The following LRRTM4 variants were observed in gnomAD, a reference collection of about 807,000 sequenced individuals.
The protein encoded by LRRTM4 is leucine rich repeat transmembrane neuronal 4.
LRRTM4 carries 25 observed loss-of-function variants against 47.6 expected under a neutral mutation model. That is an observed-to-expected ratio of 0.53 (90% CI 0.38 to 0.73). The LOEUF (loss-of-function observed/expected upper bound fraction) is 0.73. LRRTM4 is among the 30% of genes least tolerant of loss of function. The pLI is 0.00. For missense variants in LRRTM4, 638 were observed against 713.4 expected, an observed-to-expected ratio of 0.89 and a Z score of 1.20; for synonymous variants, 311 against 269.5, an observed-to-expected ratio of 1.15 and a Z score of -1.51.
intron 3 of LRRTM4, among the ~76,000 whole-genome samples, chr2:77,180,244 G>T (rs1255503575): frequency 2.0e-5 from 3 of 152,070 alleles, no homozygotes; most frequent in Non-Finnish European, 4.4e-5. Context: ...GAGTCCCTGA[G>T]TCCCAGTACA....
At chr2:77,409,763 G>A (rs908732092) in intron 3 of LRRTM4, among the ~76,000 whole-genome samples, 1 of 152,148 alleles carries the variant, frequency 6.6e-6, no homozygotes, top group African/African-American at 2.4e-5. Context: ...GCCTTAAGTT[G>A]AAACTGGGGT....
intron 3 of LRRTM4, among the ~76,000 whole-genome samples, chr2:76,968,350 A>ATT: frequency 9.7e-6 from 1 of 103,562 alleles, no homozygotes; most frequent in South Asian, 3.0e-4. Flanking sequence ...GTATATATAT[A>ATT]TATATATATA....
intron 3 of LRRTM4, among the ~76,000 whole-genome samples, chr2:77,053,491 T>C (rs1679507125): frequency 6.6e-6 from 1 of 152,172 alleles, no homozygotes; most frequent in African/African-American, 2.4e-5. Context: ...CCTAGGACTC[T>C]CAATTTTAAA....
intron 3 of LRRTM4, among the ~76,000 whole-genome samples, chr2:76,915,226 T>C (rs1674203330): frequency 6.6e-6 from 1 of 152,182 alleles, no homozygotes; most frequent in Non-Finnish European, 1.5e-5. Flanking sequence ...ACAGGTGGAC[T>C]AATGGGTTGA....
intron 3 of LRRTM4, among the ~76,000 whole-genome samples, chr2:77,140,988 A>T (rs1218086758): frequency 6.6e-6 from 1 of 152,164 alleles, no homozygotes; most frequent in Non-Finnish European, 1.5e-5. Context: ...GCTGGAGAGG[A>T]TGTGGAGAAA....
At chr2:76,968,953 G>A (rs1676130452) in intron 3 of LRRTM4, among the ~76,000 whole-genome samples, 1 of 151,856 alleles carries the variant, frequency 6.6e-6, no homozygotes, top group Admixed American at 6.6e-5. Context: ...TTACCTTGCA[G>A]TCATTTGGTC....
intron 3 of LRRTM4, among the ~76,000 whole-genome samples, chr2:76,909,393 A>G (rs1458298731): frequency 6.6e-6 from 1 of 152,174 alleles, no homozygotes; most frequent in Non-Finnish European, 1.5e-5. Flanking sequence ...TAAAAACCCT[A>G]GAAGAAAACC....
intron 3 of LRRTM4, among the ~76,000 whole-genome samples, chr2:76,892,525 A>T (rs1319168994): frequency 6.6e-6 from 1 of 151,788 alleles, no homozygotes; most frequent in Non-Finnish European, 1.5e-5. Flanking sequence ...GCTTTCTGAA[A>T]ACTTATTTAA....
chr2:77,038,618 G>A (rs1678921128), intron 3 of LRRTM4, among the ~76,000 whole-genome samples: 1 of 151,452 alleles, frequency 6.6e-6, no homozygotes, highest in African/African-American at 2.4e-5. Flanking sequence ...TTTAAACTAT[G>A]TATGGATAGA....
chr2:77,025,118 G>A (rs1231700002), intron 3 of LRRTM4, among the ~76,000 whole-genome samples: 3 of 152,046 alleles, frequency 2.0e-5, no homozygotes, highest in African/African-American at 7.2e-5. Flanking sequence ...TAAAAGTTAA[G>A]AATCATAACA....
rs57874749 is a variant in LRRTM4 at position 76,916,384 on chromosome 2, CAAAAAA to C, written c.1552-167474_1552-167469del. ...TGGGCGACAGAGCGAGACTGTGTCT[CAAAAAA>C]AAAAAAAAAAAAAAAAAGAAAAGAA... On this transcript the variant is annotated intron_variant, in intron 3 of 3. Transcript: ENST00000409884. Among the ~76,000 whole-genome samples, 36 of 53,506 alleles carry C rather than the reference CAAAAAA, an allele frequency of 6.7e-4. No individual in the cohort carries two copies. In the South Asian group the frequency reaches 7.1e-3, roughly 11 times the overall value. 35.1% of individuals were successfully genotyped at this position (53,506 alleles called of 152,430 possible). A position where few individuals can be genotyped will look rare whatever the true frequency, so the allele number is the denominator to read the frequency against.
intron 3 of LRRTM4, among the ~76,000 whole-genome samples, chr2:76,760,952 C>G (rs975220593): frequency 2.6e-5 from 4 of 152,226 alleles, no homozygotes; most frequent in Non-Finnish European, 5.9e-5. Context: ...GCAACTTTGA[C>G]AAATCTGTAG....
chr2:76,767,062 T>C (rs1186261284), intron 3 of LRRTM4, among the ~76,000 whole-genome samples: 1 of 151,984 alleles, frequency 6.6e-6, no homozygotes, highest in East Asian at 1.9e-4. Flanking sequence ...GAGATTCCTG[T>C]TGTTTCTGTT....
chr2:76,791,656 G>C (rs546451249), intron 3 of LRRTM4, among the ~76,000 whole-genome samples: 15 of 152,310 alleles, frequency 9.8e-5, no homozygotes, highest in Admixed American at 2.0e-4. Flanking sequence ...GTGAGAACCA[G>C]TTAAAGACAA....
At chr2:77,336,199 GGAAA>G (rs1332418283) in intron 3 of LRRTM4, among the ~76,000 whole-genome samples, 1 of 133,506 alleles carries the variant, frequency 7.5e-6, no homozygotes, top group African/African-American at 2.8e-5. Context: ...AAAGAAGGAA[GGAAA>G]GAAGGAAGGA....
intron 3 of LRRTM4, among the ~76,000 whole-genome samples, chr2:77,175,334 G>A (rs927562399): frequency 2.6e-5 from 4 of 151,928 alleles, no homozygotes; most frequent in Non-Finnish European, 4.4e-5. Flanking sequence ...AAAACCCCTC[G>A]TGGCCTTTGG....
At chr2:77,490,203 C>T (rs1922815) in intron 3 of LRRTM4, among the ~76,000 whole-genome samples, 92,746 of 151,330 alleles carry the variant, frequency 0.61, 29,175 homozygotes, top group African/African-American at 0.72. Flanking sequence ...TGAGCCGAGA[C>T]CGCACCACTG....
chr2:77,273,702 T>C (rs1676265192), intron 3 of LRRTM4, among the ~76,000 whole-genome samples: 2 of 152,160 alleles, frequency 1.3e-5, no homozygotes, highest in African/African-American at 4.8e-5. Context: ...GACTAATGTA[T>C]AAAATCAGCA....
chr2:77,190,466 T>G (rs572418826), intron 3 of LRRTM4, among the ~76,000 whole-genome samples: 114 of 151,950 alleles, frequency 7.5e-4, no homozygotes, highest in African/African-American at 2.7e-3. Context: ...AGCTAAATTT[T>G]TTTTTGTATT....
Sources: gnomAD v4.1 joint callset for allele counts (sites outside exome capture counted in the v4.1 genomes callset) on GRCh38, gnomAD v4.1.1 for gene constraint, MANE v1.5 for transcripts, NCBI Gene and HGNC (gene_info 2026-07-23, HGNC 2026-07-21) for gene names.